Variants in SEZ6L observed in about 807,000 individuals in gnomAD.
SEZ6L encodes seizure related 6 homolog like.
Under a neutral mutation model 106.2 loss-of-function variants are expected in SEZ6L, and 37 were observed. The observed-to-expected ratio is 0.35, with a 90% CI of 0.27 to 0.46. The LOEUF (loss-of-function observed/expected upper bound fraction) is 0.46, where lower values mean the gene tolerates loss of function less well. SEZ6L is among the 20% of genes least tolerant of loss of function. The pLI is 1.00. For synonymous variants in SEZ6L, 541 were observed against 570.4 expected, an observed-to-expected ratio of 0.95 and a Z score of 0.73; for missense variants, 1,172 against 1,332.8, an observed-to-expected ratio of 0.88 and a Z score of 1.88.
intron 12 of SEZ6L, 44 bp downstream of exon 12, chr22:26,351,287 G>C: frequency 6.4e-7 from 1 of 1,573,746 alleles, no homozygotes; most frequent in Non-Finnish European, 8.7e-7. Context: ...GGTAGAAGCA[G>C]ATTCACTTTC....
chr22:26,249,643 G>A (rs988394680), intron 1 of SEZ6L, among the ~76,000 whole-genome samples: 1 of 152,156 alleles, frequency 6.6e-6, no homozygotes, highest in Admixed American at 6.6e-5. Context: ...AAACATGGGA[G>A]TGCAGATATC....
Position 26,377,762 on chromosome 22 carries a change from T to C in SEZ6L, c.3032T>C (p.Ile1011Thr). 1.2e-6 allele frequency: 2 copies of C among 1,611,168 alleles called. No individual in the cohort carries two copies. Among genetic ancestry groups the C allele is most frequent in the East Asian group, 2.2e-5 (1 of 44,848 alleles). Residue 1011 changes from isoleucine (I) to threonine (T), a missense_variant, in exon 16 of 17, where the codon ATT (isoleucine) becomes ACT (threonine). Ile to Thr is a moderately conservative substitution (Grantham distance 89). Transcript: ENST00000248933. ...GTGGAAACCGAGTTTGACAACCCCA[T>C]TTACGAGACAGGGGTGAGTTGGTCT... ...ITVETEFDNP[I>T]YETGETREYE...
chr22:26,302,262 C>G (rs1015875579), intron 5 of SEZ6L, among the ~76,000 whole-genome samples: 1 of 152,112 alleles, frequency 6.6e-6, no homozygotes, highest in Non-Finnish European at 1.5e-5. Flanking sequence ...CATGCAAAAC[C>G]AAATGAATCA....
At chr22:26,261,446 A>G (rs1263506243) in intron 1 of SEZ6L, among the ~76,000 whole-genome samples, 2 of 152,326 alleles carry the variant, frequency 1.3e-5, no homozygotes, top group Non-Finnish European at 2.9e-5. Context: ...ATTCTCCTAC[A>G]TGTGACTTGC....
intron 5 of SEZ6L, among the ~76,000 whole-genome samples, chr22:26,300,037 G>A (rs2081405397): frequency 2.0e-5 from 3 of 152,114 alleles, no homozygotes; most frequent in Admixed American, 2.0e-4. Context: ...GGGTATGAAG[G>A]TATCTCATGG....
intron 12 of SEZ6L, among the ~76,000 whole-genome samples, chr22:26,357,984 G>A (rs5997072): frequency 0.076 from 11,609 of 152,220 alleles, 1,560 homozygotes; most frequent in African/African-American, 0.26. Context: ...GGTTCTCACA[G>A]CCCTGAGCCC....
In SEZ6L at chr22:26,330,001, G is replaced by T. The variant is rs559593893; in HGVS notation, c.2016-10435G>T. Reference sequence around the variant, plus strand: ...GTTCCATAAAGATCTTGCCTGAAGGGCAAGATAGTGTTTTCTTAGGAAAGT... The same window carrying T: ...GTTCCATAAAGATCTTGCCTGAAGGTCAAGATAGTGTTTTCTTAGGAAAGT... On this transcript the variant is annotated intron_variant, in intron 9 of 16. Transcript: ENST00000248933. 9.8e-5 allele frequency among the ~76,000 whole-genome samples: 15 copies of T among 152,324 alleles called. No homozygotes were observed. In the South Asian group the frequency reaches 2.9e-3, roughly 29 times the overall value.
intron 9 of SEZ6L, among the ~76,000 whole-genome samples, chr22:26,338,867 CTTTTTTTTT>C (rs71192914): frequency 1.1e-5 from 1 of 87,468 alleles, no homozygotes; most frequent in African/African-American, 4.9e-5. Context: ...TTTTTTTTTT[CTTTTTTTTT>C]TTTTTTTTGT....
intron 1 of SEZ6L, among the ~76,000 whole-genome samples, chr22:26,274,810 A>T (rs978466560): frequency 6.6e-6 from 1 of 152,198 alleles, no homozygotes; most frequent in Admixed American, 6.5e-5. Flanking sequence ...GAGTATTGCA[A>T]ACTAGGGAAA....
chr22:26,277,380 T>G (rs1016159134), intron 1 of SEZ6L, among the ~76,000 whole-genome samples: 3 of 152,206 alleles, frequency 2.0e-5, no homozygotes, highest in African/African-American at 4.8e-5. Context: ...TGAGTTCACG[T>G]GTGCAGTTTG....
intron 11 of SEZ6L, 110 bp downstream of exon 11, chr22:26,348,023 C>T: frequency 1.3e-6 from 1 of 781,450 alleles, no homozygotes; most frequent in South Asian, 2.2e-5. Flanking sequence ...CTGGACTCCC[C>T]CTCCACCACC....
intron 6 of SEZ6L, 148 bp from the exon 7 acceptor site, chr22:26,310,522 G>T: frequency 1.2e-6 from 1 of 846,086 alleles, no homozygotes. Context: ...GGCAACAAGA[G>T]TGAAACTCTG....
chr22:26,294,230 G>A, intron 2 of SEZ6L, 62 bp from the exon 3 acceptor site: 1 of 1,580,990 alleles, frequency 6.3e-7, no homozygotes, highest in African/African-American at 1.3e-5. Flanking sequence ...CCACCCCACA[G>A]CCCATGGTTG....
chr22:26,214,610 A>T (rs894529808), intron 1 of SEZ6L, among the ~76,000 whole-genome samples: 6 of 152,218 alleles, frequency 3.9e-5, no homozygotes, highest in Non-Finnish European at 7.3e-5. Context: ...TTCAGGAAGG[A>T]AGCAGCTTGC....
At chr22:26,310,950 C>A in intron 7 of SEZ6L, 114 bp downstream of exon 7, 1 of 1,005,282 alleles carries the variant, frequency 9.9e-7, no homozygotes, top group Non-Finnish European at 1.5e-6. Flanking sequence ...AATCCCATGG[C>A]CATGTGGATC....
intron 12 of SEZ6L, among the ~76,000 whole-genome samples, chr22:26,357,425 C>T (rs2083474133): frequency 6.6e-6 from 1 of 152,084 alleles, no homozygotes; most frequent in Admixed American, 6.6e-5. Context: ...GGTGGAGAGA[C>T]AGGTCTATGA....
chr22:26,343,322 G>GC (rs2082903252), intron 10 of SEZ6L, among the ~76,000 whole-genome samples: 1 of 118,858 alleles, frequency 8.4e-6, no homozygotes, highest in Admixed American at 8.4e-5. Context: ...CAGCTTGATG[G>GC]CCAAAAAAAA....
intron 14 of SEZ6L, among the ~76,000 whole-genome samples, chr22:26,374,078 C>A (rs998277320): frequency 2.0e-5 from 3 of 152,082 alleles, no homozygotes; most frequent in African/African-American, 7.2e-5. Context: ...CCCTTTCCAA[C>A]CCCTCCCGTG....
chr22:26,248,116 G>A (rs2079428044), intron 1 of SEZ6L, among the ~76,000 whole-genome samples: 2 of 152,180 alleles, frequency 1.3e-5, no homozygotes, highest in South Asian at 4.1e-4. Context: ...GCAATACCTG[G>A]ACAAGTCCCT....
Sources: gnomAD v4.1 joint callset for allele counts (sites outside exome capture counted in the v4.1 genomes callset) on GRCh38, gnomAD v4.1.1 for gene constraint, MANE v1.5 for transcripts, NCBI Gene and HGNC (gene_info 2026-07-23, HGNC 2026-07-21) for gene names.